The following GAL3ST2 variants were observed in gnomAD, a reference collection of about 807,000 sequenced individuals.
GAL3ST2 encodes beta-galactose-3-O-sulfotransferase 2.
In GAL3ST2, 16 loss-of-function variants were observed where a neutral mutation model predicts 12.9. The observed-to-expected ratio is 1.24, with a 90% confidence interval of 0.84 to 1.88. The LOEUF (loss-of-function observed/expected upper bound fraction) is 1.88, where lower values mean the gene tolerates loss of function less well. GAL3ST2 is among the 40% of genes most tolerant of loss of function. GAL3ST2 has a pLI of 0.00. For synonymous variants in GAL3ST2, 302 were observed against 273.9 expected (o/e 1.10, Z -1.01); for missense variants, 639 against 571.8 (o/e 1.12, Z -1.20).
intron 1 of GAL3ST2, among the ~76,000 whole-genome samples, chr2:241,797,147 C>A (rs1190076839): frequency 6.6e-6 from 1 of 152,250 alleles, no homozygotes; most frequent in Non-Finnish European, 1.5e-5. Context: ...GCGTGAGCTG[C>A]CGCGCCTGGC....
rs940619372 is a variant in GAL3ST2, at chr2:241,802,184, C to T, written c.375+148C>T. The T allele has an allele frequency of 2.0e-5, 22 of 1,074,154 alleles. No homozygotes were observed. The highest frequency in any genetic ancestry group is 1.3e-4 in the South Asian group (8 of 60,628). The allele number at this position is 1,074,154 out of a possible 1,614,324, so 66.5% of individuals were successfully genotyped here. A position where few individuals can be genotyped will look rare whatever the true frequency, so the allele number is the denominator to read the frequency against. On this transcript the variant is annotated intron_variant, in intron 3 of 3. Coordinates refer to ENST00000192314, the MANE Select transcript of GAL3ST2 (RefSeq NM_022134.3). The surrounding 1 kb of genome is among the most constrained non-coding windows in gnomAD (Gnocchi z 4.8). Reference sequence around the variant, plus strand: ...GCGGGTTGGGAGGGCCTGGGCCGCACGCCCTGCTGAGCCAACCCCTGCCCC... The same window carrying T: ...GCGGGTTGGGAGGGCCTGGGCCGCATGCCCTGCTGAGCCAACCCCTGCCCC...
At chr2:241,777,154 G>A (rs1298003788) in intron 1 of GAL3ST2, among the ~76,000 whole-genome samples, 170 bp downstream of exon 1, 2 of 152,232 alleles carry the variant, frequency 1.3e-5, no homozygotes, top group African/African-American at 4.8e-5. Context: ...CGTTTCGGAA[G>A]TAGGGGGCCC....
chr2:241,779,257 G>A (rs1699535075), intron 1 of GAL3ST2, among the ~76,000 whole-genome samples: 1 of 107,460 alleles, frequency 9.3e-6, no homozygotes, highest in Non-Finnish European at 1.7e-5. Context: ...TTTTTGAGAC[G>A]GAGTCTCGCT....
intron 1 of GAL3ST2, among the ~76,000 whole-genome samples, chr2:241,788,051 C>G (rs951252778): frequency 2.0e-5 from 3 of 152,340 alleles, no homozygotes; most frequent in South Asian, 2.1e-4. Context: ...TCTTCCACCC[C>G]ATACCTCCTT....
At chr2:241,792,154 C>T (rs1236600826) in intron 1 of GAL3ST2, among the ~76,000 whole-genome samples, 1 of 151,794 alleles carries the variant, frequency 6.6e-6, no homozygotes, top group Admixed American at 6.6e-5. Context: ...GCTGGGATTA[C>T]AGGCACCTGC....
Position 241,797,170 on chromosome 2 carries a change from G to A in GAL3ST2, c.30-1895G>A, listed in dbSNP as rs530304487. ...TGCCGCGCCTGGCCTGAAACATTACGTGTTTGCCAGATTTGTCTTTCTTTT... is the reference window on the plus strand; with the variant it reads ...TGCCGCGCCTGGCCTGAAACATTACATGTTTGCCAGATTTGTCTTTCTTTT... On this transcript the variant is annotated intron_variant, in intron 1 of 3. Transcript: ENST00000192314. Among the ~76,000 whole-genome samples, 17 of 152,322 alleles carry A rather than the reference G, an allele frequency of 1.1e-4. No individual in the cohort carries two copies. The East Asian group carries it at 2.5e-3, about 22-fold the overall frequency.
In GAL3ST2 at chr2:241,778,523, G is replaced by A. The variant is rs536010391; in HGVS notation, c.29+1539G>A. 1.4e-4 allele frequency among the ~76,000 whole-genome samples: 21 copies of A among 152,342 alleles called. No homozygotes were observed. The South Asian group carries it at 3.1e-3, about 23-fold the overall frequency. ...TGTTGCCTCCCTGGGGTGTGGCCAG[G>A]TATCTTTGGGGAGGAGGGGACTCAT... On this transcript the variant is annotated intron_variant, in intron 1 of 3. Coordinates refer to ENST00000192314, the MANE Select transcript of GAL3ST2 (RefSeq NM_022134.3).
chr2:241,803,342 C>G lies in GAL3ST2; in HGVS notation c.376-3C>G, dbSNP rs1699881150. On this transcript the variant is annotated splice_polypyrimidine_tract_variant and splice_region_variant and intron_variant, in intron 3 of 3. Coordinates refer to ENST00000192314, the MANE Select transcript of GAL3ST2 (RefSeq NM_022134.3). ...CGCAGCCCGCCTCTCTGTCGCCACA[C>G]AGGTGCAGAAAGTCATGCCCAACGA... The G allele has an allele frequency of 6.3e-7, 1 of 1,590,144 alleles. No individual in the cohort carries two copies. The highest frequency in any genetic ancestry group is 8.6e-7 in the Non-Finnish European group (1 of 1,164,756).
Position 241,803,882 on chromosome 2 carries a change from G to C in GAL3ST2, c.913G>C (p.Gly305Arg). 7.0e-7 allele frequency: 1 copy of C among 1,422,482 alleles called. No individual in the cohort carries two copies. Among genetic ancestry groups the C allele is most frequent in the South Asian group, 1.6e-5 (1 of 63,810 alleles). 88.1% of individuals were successfully genotyped at this position (1,422,482 alleles called of 1,614,324 possible). Residue 305 changes from glycine to arginine, a missense_variant, in exon 4 of 4, where the codon GGG (glycine) becomes CGG (arginine). Physicochemically the swap from Gly to Arg is moderately radical, Grantham distance 125. Transcript: ENST00000192314. ...RAELGPRRLR[G>R]EVERLRARRR... ...CGAGCTGGGGCCGCGGCGGCTGCGC[G>C]GGGAGGTGGAGCGGCTGCGCGCCCG...
rs755568422 is a variant in GAL3ST2 at position 241,804,112 on chromosome 2, C to A, written c.1143C>A (p.Tyr381Ter). 1 of 1,507,834 alleles carries A rather than the reference C, an allele frequency of 6.6e-7. No homozygotes were observed. The highest frequency in any genetic ancestry group is 8.9e-7 in the Non-Finnish European group (1 of 1,127,572). 93.4% of individuals were successfully genotyped at this position (1,507,834 alleles called of 1,614,324 possible). Residue 381 changes from tyrosine to a stop codon, truncating the protein, a stop_gained, in exon 4 of 4, where the codon TAC becomes TAA. Coordinates refer to ENST00000192314, the MANE Select transcript of GAL3ST2 (RefSeq NM_022134.3). LOFTEE classifies it low-confidence loss of function (END_TRUNC). Reference protein sequence around the residue: ...MPELQYMARLYALQFPEKPLK... With the variant: ...MPELQYMARL ...AGCTCCAGTACATGGCCCGCCTGTA[C>A]GCCCTGCAGTTCCCGGAGAAGCCCC... is the stretch of plus-strand genomic sequence containing the variant.
chr2:241,777,630 C>G (rs1214915496), intron 1 of GAL3ST2, among the ~76,000 whole-genome samples: 1 of 152,168 alleles, frequency 6.6e-6, no homozygotes, highest in African/African-American at 2.4e-5. Context: ...CCTGCCTCCC[C>G]GGGGCGTGTG....
chr2:241,800,549 A>G lies in GAL3ST2; in HGVS notation c.120-1232A>G, dbSNP rs1047844162. Reference sequence around the variant, plus strand: ...AGACTGCACATCTAACTGCGTTACAATCAGGCCCTGCACGTCAGAAGGTGG... The same window carrying G: ...AGACTGCACATCTAACTGCGTTACAGTCAGGCCCTGCACGTCAGAAGGTGG... On this transcript the variant is annotated intron_variant, in intron 2 of 3. Coordinates refer to ENST00000192314, the MANE Select transcript of GAL3ST2 (RefSeq NM_022134.3). This position sits in a 1 kb window ranked among gnomAD's most constrained non-coding sequence, Gnocchi z 5.2. Among the ~76,000 whole-genome samples the G allele has an allele frequency of 6.6e-6, 1 of 152,194 alleles. No homozygotes were observed. Among genetic ancestry groups the G allele is most frequent in the African/African-American group, 2.4e-5 (1 of 41,444 alleles).
Position 241,803,784 on chromosome 2 carries a change from C to T in GAL3ST2, c.815C>T (p.Ala272Val). 1 of 1,504,758 alleles carries T rather than the reference C, an allele frequency of 6.6e-7. No homozygotes were observed. The highest frequency in any genetic ancestry group is 8.8e-7 in the Non-Finnish European group (1 of 1,133,810). 93.2% of individuals were successfully genotyped at this position (1,504,758 alleles called of 1,614,324 possible). ...ARLSPETRER[A>V]RSWCALDWRL... Reference sequence around the variant, plus strand: ...CTGTCGCCCGAGACCCGGGAGCGCGCGCGGAGCTGGTGCGCGCTGGACTGG... The same window carrying T: ...CTGTCGCCCGAGACCCGGGAGCGCGTGCGGAGCTGGTGCGCGCTGGACTGG... Residue 272 changes from alanine to valine, a missense_variant, in exon 4 of 4, where the codon GCG (alanine) becomes GTG (valine). By Grantham distance (64) the Ala-to-Val change is moderately conservative (BLOSUM62 0). Transcript: ENST00000192314.
chr2:241,803,311 G>C, intron 3 of GAL3ST2, 34 bp from the exon 4 acceptor site: 1 of 1,530,822 alleles, frequency 6.5e-7, no homozygotes, highest in Admixed American at 2.0e-5. Flanking sequence ...GCCTGGGCCC[G>C]CGGTCCGCAG....
chr2:241,792,113 A>T (rs1699700059), intron 1 of GAL3ST2, among the ~76,000 whole-genome samples: 1 of 150,440 alleles, frequency 6.6e-6, no homozygotes, highest in Admixed American at 6.7e-5. Flanking sequence ...TCCTGGGTTC[A>T]AGCAATTCTC....
intron 1 of GAL3ST2, among the ~76,000 whole-genome samples, chr2:241,778,662 C>T (rs1318271293): frequency 2.6e-5 from 4 of 152,068 alleles, no homozygotes; most frequent in Non-Finnish European, 4.4e-5. Context: ...AGGGTGAGGA[C>T]GTGCACCCAT....
rs564260768 is a variant in GAL3ST2 at position 241,793,384 on chromosome 2, A to G, written c.30-5681A>G. ...TTGTGTGTGTATGTATGTATTGTGTATGCATGTGTGTGTATATGTATGTAT... is the reference window on the plus strand; with the variant it reads ...TTGTGTGTGTATGTATGTATTGTGTGTGCATGTGTGTGTATATGTATGTAT... On this transcript the variant is annotated intron_variant, in intron 1 of 3. Transcript: ENST00000192314. This position sits in a 1 kb window ranked among gnomAD's most constrained non-coding sequence, Gnocchi z 4.7. Among the ~76,000 whole-genome samples, 7 of 151,376 alleles carry G rather than the reference A, an allele frequency of 4.6e-5. No individual in the cohort carries two copies. Among genetic ancestry groups the G allele is most frequent in the Admixed American group, 2.0e-4 (3 of 15,216 alleles).
At position 241,793,174 on chromosome 2, in the gene GAL3ST2, A is replaced by G. The variant is rs939069730; in HGVS notation, c.30-5891A>G. Among the ~76,000 whole-genome samples, 1 of 152,238 alleles carries G rather than the reference A, an allele frequency of 6.6e-6. No homozygotes were observed. Among genetic ancestry groups the G allele is most frequent in the Non-Finnish European group, 1.5e-5 (1 of 68,044 alleles). ...GGGTGCGCGTCCTCACCCTTGGCAA[A>G]GTAAGCTTTCTAAATTAACTGAAAC... On this transcript the variant is annotated intron_variant, in intron 1 of 3. Coordinates refer to ENST00000192314, the MANE Select transcript of GAL3ST2 (RefSeq NM_022134.3). This position sits in a 1 kb window ranked among gnomAD's most constrained non-coding sequence, Gnocchi z 4.7.
Position 241,803,847 on chromosome 2 carries a change from A to T in GAL3ST2, c.878A>T (p.Gln293Leu). 1 of 1,462,366 alleles carries T rather than the reference A, an allele frequency of 6.8e-7. No individual in the cohort carries two copies. Among genetic ancestry groups the T allele is most frequent in the Non-Finnish European group, 9.0e-7 (1 of 1,116,316 alleles). The allele number at this position is 1,462,366 out of a possible 1,614,324, so 90.6% of individuals were successfully genotyped here. A position where few individuals can be genotyped will look rare whatever the true frequency, so the allele number is the denominator to read the frequency against. ...CATTTCAACCGCACCCTCTGGGCGC[A>T]GCTGCGCGCCGAGCTGGGGCCGCGG... ...YEHFNRTLWA[Q>L]LRAELGPRRL... Residue 293 changes from glutamine (Q) to leucine (L), a missense_variant, in exon 4 of 4, where the codon CAG (glutamine) becomes CTG (leucine). Physicochemically the swap from Gln to Leu is moderately radical, Grantham distance 113. Coordinates refer to ENST00000192314, the MANE Select transcript of GAL3ST2 (RefSeq NM_022134.3).
Sources: allele counts gnomAD v4.1 joint callset (sites outside exome capture counted in the v4.1 genomes callset), GRCh38; gene constraint gnomAD v4.1.1; non-coding constraint Gnocchi (gnomAD v3.1); transcripts MANE v1.5; gene names NCBI Gene and HGNC (gene_info 2026-07-23, HGNC 2026-07-21).